The following PEAK1 variants were observed in gnomAD, a reference collection of about 807,000 sequenced individuals.
PEAK1 encodes inactive tyrosine-protein kinase PEAK1.
In PEAK1, 54 loss-of-function variants were observed where a neutral mutation model predicts 124.7. That is an observed-to-expected ratio of 0.43 (90% CI 0.35 to 0.54). PEAK1 has a LOEUF of 0.54. PEAK1 is among the 20% of genes least tolerant of loss of function. The probability of loss-of-function intolerance (pLI) is 0.01; values close to 1 mark genes in which losing one functional copy is unlikely to be tolerated. For synonymous variants in PEAK1, 719 were observed against 760.0 expected (o/e 0.95, Z 0.89); for missense variants, 2,046 against 2,134.5 (o/e 0.96, Z 0.82).
At chr15:77,400,061 G>T (rs1375913575) in intron 1 of PEAK1, among the ~76,000 whole-genome samples, 2 of 152,078 alleles carry the variant, frequency 1.3e-5, no homozygotes, top group African/African-American at 2.4e-5. Context: ...CTATGAAAAG[G>T]TGTTCAATAT....
At chr15:77,375,295 C>T (rs1170737561) in intron 1 of PEAK1, among the ~76,000 whole-genome samples, 1 of 152,114 alleles carries the variant, frequency 6.6e-6, no homozygotes, top group African/African-American at 2.4e-5. Context: ...ATAATCTCGC[C>T]ACAGTCAGCT....
At chr15:77,411,149 TAAA>T (rs34437015) in intron 1 of PEAK1, among the ~76,000 whole-genome samples, 1 of 142,894 alleles carries the variant, frequency 7.0e-6, no homozygotes. Context: ...AAGAAATAGT[TAAA>T]AAAAAAAAAA....
intron 2 of PEAK1, among the ~76,000 whole-genome samples, chr15:77,363,170 G>T (rs1263376039): frequency 6.6e-6 from 1 of 152,014 alleles, no homozygotes; most frequent in South Asian, 2.1e-4. Context: ...TTTTTAGCTT[G>T]ATCATAAACA....
Position 77,252,414 on chromosome 15 carries a change from T to C in PEAK1, c.-162A>G. Reference sequence around the variant, plus strand: ...TTCATTCTGGTGACAAAGGTGGTTTTAGCAGCTAGCAAAACATTCCTTCCA... The same window carrying C: ...TTCATTCTGGTGACAAAGGTGGTTTCAGCAGCTAGCAAAACATTCCTTCCA... On this transcript the variant is annotated 5_prime_UTR_variant, in exon 6 of 10. Coordinates refer to ENST00000682557, the MANE Select transcript of PEAK1 (RefSeq NM_001385026.1). The C allele has an allele frequency of 3.0e-6, 3 of 985,430 alleles. No homozygotes were observed. The highest frequency in any genetic ancestry group is 3.6e-6 in the Non-Finnish European group (3 of 829,912). 61.0% of individuals were successfully genotyped at this position (985,430 alleles called of 1,614,324 possible).
rs76770769 is a variant in PEAK1, at chr15:77,347,002, A to G, written c.-603+18161T>C. Among the ~76,000 whole-genome samples, 1,298 of 152,314 alleles carry G rather than the reference A, an allele frequency of 8.5e-3. 18 individuals are homozygous for G. Among genetic ancestry groups the G allele is most frequent in the African/African-American group, 0.03 (1,237 of 41,556 alleles). On this transcript the variant is annotated intron_variant, in intron 2 of 9. Transcript: ENST00000682557. ...GTGAGTTGTCAAGGAAGCCTCTTTG[A>G]AGAGGGGACATTTAAGCTGAGACTT... is the stretch of plus-strand genomic sequence containing the variant.
At chr15:77,364,275 T>C (rs889267228) in intron 2 of PEAK1, among the ~76,000 whole-genome samples, 1 of 152,162 alleles carries the variant, frequency 6.6e-6, no homozygotes, top group Non-Finnish European at 1.5e-5. Flanking sequence ...TAATAAAAAC[T>C]ATTGAATTTT....
chr15:77,215,657 C>A (rs2059117792), intron 6 of PEAK1, among the ~76,000 whole-genome samples: 1 of 152,184 alleles, frequency 6.6e-6, no homozygotes, highest in Admixed American at 6.5e-5. Context: ...TTGGTTGAAT[C>A]TACAGATGCA....
chr15:77,163,775 T>G (rs1018119217), intron 7 of PEAK1, among the ~76,000 whole-genome samples: 8 of 152,206 alleles, frequency 5.3e-5, no homozygotes, highest in African/African-American at 1.9e-4. Flanking sequence ...AATGTTATTC[T>G]GAATTCCATT....
chr15:77,397,303 T>G (rs866746039), intron 1 of PEAK1, among the ~76,000 whole-genome samples: 1 of 151,960 alleles, frequency 6.6e-6, no homozygotes, highest in Non-Finnish European at 1.5e-5. Context: ...TAGGATATAG[T>G]GAAAGCAGTA....
intron 6 of PEAK1, among the ~76,000 whole-genome samples, chr15:77,188,379 G>T (rs151104612): frequency 6.6e-6 from 1 of 152,084 alleles, no homozygotes; most frequent in Non-Finnish European, 1.5e-5. Context: ...AAGCAGCACC[G>T]CTCAGTTCCA....
chr15:77,369,277 C>A (rs550768061), intron 1 of PEAK1, among the ~76,000 whole-genome samples: 1 of 152,144 alleles, frequency 6.6e-6, no homozygotes, highest in African/African-American at 2.4e-5. Flanking sequence ...AAAGACAGCA[C>A]AAACCCAAAA....
At chr15:77,417,358 T>C (rs2072960448) in intron 1 of PEAK1, 1 of 983,130 alleles carries the variant, frequency 1.0e-6, no homozygotes, top group South Asian at 4.7e-5. Context: ...GGATTTCTAC[T>C]TCACTAAGGA....
Position 77,115,262 on chromosome 15 carries a change from G to A in PEAK1, c.4135C>T (p.Gln1379Ter). 6.2e-7 allele frequency: 1 copy of A among 1,614,142 alleles called. No homozygotes were observed. Among genetic ancestry groups the A allele is most frequent in the Non-Finnish European group, 8.5e-7 (1 of 1,180,012 alleles). Residue 1379 changes from glutamine to a stop codon, truncating the protein, a stop_gained, in exon 10 of 10, where the codon CAG (glutamine) becomes TAG (stop). Coordinates refer to ENST00000682557, the MANE Select transcript of PEAK1 (RefSeq NM_001385026.1). LOFTEE classifies it high-confidence loss of function. ...QQYYHSLAVR[Q>*]SLAVHFNIQQ... ...ATGTTAAAATGGACAGCCAGACTCTGCCGGACAGCCAAGCTGTGATAATAC... is the reference window on the plus strand; with the variant it reads ...ATGTTAAAATGGACAGCCAGACTCTACCGGACAGCCAAGCTGTGATAATAC...
At chr15:77,314,463 G>A (rs2064745124) in intron 2 of PEAK1, among the ~76,000 whole-genome samples, 1 of 151,882 alleles carries the variant, frequency 6.6e-6, no homozygotes, top group Non-Finnish European at 1.5e-5. Flanking sequence ...CTGCCTCCCC[G>A]GGTTCAAGCG....
intron 6 of PEAK1, among the ~76,000 whole-genome samples, chr15:77,201,250 T>C (rs2058349327): frequency 6.9e-6 from 1 of 145,188 alleles, no homozygotes; most frequent in African/African-American, 2.6e-5. Context: ...TTTTTTTTTT[T>C]TTTTTGAGAT....
chr15:77,178,279 C>T (rs2057008380), intron 7 of PEAK1: 1 of 152,876 alleles, frequency 6.5e-6, no homozygotes, highest in African/African-American at 2.4e-5. Flanking sequence ...TTTTTTTCCA[C>T]AACACTTGGA....
Position 77,416,583 on chromosome 15 carries a change from G to A in PEAK1, c.-666+3423C>T, listed in dbSNP as rs150209903. Among the ~76,000 whole-genome samples, 791 of 152,130 alleles carry A rather than the reference G, an allele frequency of 5.2e-3. 5 individuals carry two copies. The highest frequency in any genetic ancestry group is 0.017 in the African/African-American group (685 of 41,476). The stretch of plus-strand genomic sequence containing the variant: ...CCCCACTAAATCCCCGCAACTTTTG[G>A]AATTAAGTTAAAGTTATTAACTTGG... On this transcript the variant is annotated intron_variant, in intron 1 of 9. Coordinates refer to ENST00000682557, the MANE Select transcript of PEAK1 (RefSeq NM_001385026.1).
At chr15:77,405,563 T>C (rs2071749759) in intron 1 of PEAK1, among the ~76,000 whole-genome samples, 1 of 152,182 alleles carries the variant, frequency 6.6e-6, no homozygotes, top group East Asian at 1.9e-4. Context: ...CAGAAAAAAT[T>C]AGAGGGAAAT....
chr15:77,257,893 T>C (rs2061243481), intron 5 of PEAK1, among the ~76,000 whole-genome samples: 1 of 152,218 alleles, frequency 6.6e-6, no homozygotes, highest in African/African-American at 2.4e-5. Flanking sequence ...CCATCTTGAA[T>C]TGATTTTTGT....
Sources: allele counts gnomAD v4.1 joint callset (sites outside exome capture counted in the v4.1 genomes callset), GRCh38; gene constraint gnomAD v4.1.1; transcripts MANE v1.5; gene names NCBI Gene and HGNC (gene_info 2026-07-23, HGNC 2026-07-21).